The following ORC4 variants were observed in gnomAD, a reference collection of about 807,000 sequenced individuals.
The protein encoded by ORC4 is origin recognition complex, subunit 4 homolog.
A neutral mutation model predicts 63.9 loss-of-function variants in ORC4; 55 were observed. The ratio of observed to expected loss-of-function variants is 0.86; its 90% CI spans 0.69 to 1.08. The LOEUF (loss-of-function observed/expected upper bound fraction) is 1.08. ORC4 is among the 50% of genes least tolerant of loss of function. ORC4 has a pLI of 0.00. For synonymous variants in ORC4, 150 were observed against 168.5 expected, an observed-to-expected ratio of 0.89 and a Z score of 0.85; for missense variants, 511 against 504.4, an observed-to-expected ratio of 1.01 and a Z score of -0.13.
intron 4 of ORC4, among the ~76,000 whole-genome samples, chr2:147,966,182 C>G (rs763488962): frequency 3.7e-4 from 56 of 151,940 alleles, no homozygotes; most frequent in Admixed American, 6.6e-4. Flanking sequence ...AATAGAAACA[C>G]AACTTACTAA....
chr2:147,975,886 G>T lies in ORC4; in HGVS notation c.57+16C>A, dbSNP rs1322517519. On this transcript the variant is annotated intron_variant, in intron 2 of 13. Transcript: ENST00000392857. The stretch of plus-strand genomic sequence containing the variant: ...CAGGGTAAAATATCTTGAGATTAAT[G>T]AAAATACATACTAACCTGTGAAAGG... 2 of 1,438,666 alleles carry T rather than the reference G, an allele frequency of 1.4e-6. No individual in the cohort carries two copies. The highest frequency in any genetic ancestry group is 2.0e-6 in the Non-Finnish European group (2 of 1,020,080). 89.1% of individuals were successfully genotyped at this position (1,438,666 alleles called of 1,614,324 possible). A position where few individuals can be genotyped will look rare whatever the true frequency, so the allele number is the denominator to read the frequency against.
At chr2:147,989,174 T>G (rs1691414467) in intron 1 of ORC4, among the ~76,000 whole-genome samples, 1 of 152,122 alleles carries the variant, frequency 6.6e-6, no homozygotes, top group Non-Finnish European at 1.5e-5. Context: ...AAGTAGATTT[T>G]TAAAGAGAAA....
At chr2:147,936,881 T>C (rs1281108447) in intron 13 of ORC4, 1 of 151,732 alleles carries the variant, frequency 6.6e-6, no homozygotes, top group Non-Finnish European at 1.5e-5. Context: ...TAGATGGGCA[T>C]AGTGGTGCAC....
rs1186684042 is a variant in ORC4, at chr2:148,003,541, C to G, written c.-18+17092G>C. 1.3e-5 allele frequency among the ~76,000 whole-genome samples: 2 copies of G among 152,236 alleles called. 1 individual carries two copies. The highest frequency in any genetic ancestry group is 1.3e-4 in the Admixed American group (2 of 15,290). ...ATTATCTCAATAGATGTAGAAAACG[C>G]CTTCGACAAAATTCAACACCCCTTC... On this transcript the variant is annotated intron_variant, in intron 1 of 13. Coordinates refer to ENST00000392857, the MANE Select transcript of ORC4 (RefSeq NM_181741.4).
Position 147,939,145 on chromosome 2 carries a change from A to G in ORC4, c.953T>C (p.Val318Ala). 9 of 1,588,468 alleles carry G rather than the reference A, an allele frequency of 5.7e-6. No individual in the cohort carries two copies. Among genetic ancestry groups the G allele is most frequent in the Non-Finnish European group, 7.8e-6 (9 of 1,156,706 alleles). The stretch of plus-strand genomic sequence containing the variant: ...AAATAAGGCTGGGTTCTCACCATGT[A>G]CAATATTTGCTTTCGAGTCCATGCT... ...LCSMDSKANI[V>A]HGLSVLEICL... The change falls in exon 11 of 14, where the codon GTA (valine) becomes GCA (alanine). Residue 318 changes from valine to alanine, a missense_variant. Physicochemically the swap from Val to Ala is moderately conservative, Grantham distance 64 (BLOSUM62 0). Transcript: ENST00000392857.
intron 10 of ORC4, among the ~76,000 whole-genome samples, chr2:147,941,070 A>G (rs1192295830): frequency 6.6e-6 from 1 of 152,138 alleles, no homozygotes; most frequent in African/African-American, 2.4e-5. Context: ...CTACATATAC[A>G]TGTATTATAC....
At position 147,952,414 on chromosome 2, in the gene ORC4, C is replaced by G; in HGVS notation, c.547G>C (p.Ala183Pro). Residue 183 changes from alanine to proline, a missense_variant, in exon 8 of 14, where the codon GCA (alanine) becomes CCA (proline). By Grantham distance (27) the Ala-to-Pro change is conservative. Coordinates refer to ENST00000392857, the MANE Select transcript of ORC4 (RefSeq NM_181741.4). ...LYNLFDISQS[A>P]QTPIAVIGLT... ...CCAATAACTGCTATTGGGGTCTGTG[C>G]AGACTGAGAAATGTCAAAAAGATTA... The G allele has an allele frequency of 6.2e-7, 1 of 1,610,170 alleles. No individual in the cohort carries two copies. The highest frequency in any genetic ancestry group is 8.5e-7 in the Non-Finnish European group (1 of 1,176,614).
chr2:147,995,417 G>A (rs116030267), intron 1 of ORC4, among the ~76,000 whole-genome samples: 5,008 of 152,194 alleles, frequency 0.033, 212 homozygotes, highest in African/African-American at 0.097. Context: ...CAGGATGTGC[G>A]TGGGGCCAAA....
rs148890925 is a variant in ORC4 at position 148,015,087 on chromosome 2, AC to A, written c.-18+5545del. 5.9e-3 allele frequency among the ~76,000 whole-genome samples: 878 copies of A among 149,528 alleles called. 8 individuals carry two copies. The highest frequency in any genetic ancestry group is 0.021 in the African/African-American group (845 of 40,550). On this transcript the variant is annotated intron_variant, in intron 1 of 13. Transcript: ENST00000392857. ...CACACGATGATTGAACATTTCCTCT[AC>A]CCCCACAACCACACTTGACTAGGAG...
At chr2:147,962,796 C>T (rs1032227668) in intron 4 of ORC4, among the ~76,000 whole-genome samples, 1 of 152,036 alleles carries the variant, frequency 6.6e-6, no homozygotes, top group African/African-American at 2.4e-5. Flanking sequence ...CAATACCGTG[C>T]ACCCCTCCCT....
At chr2:147,945,422 AT>A (rs2105278257) in intron 9 of ORC4, among the ~76,000 whole-genome samples, 1 of 152,224 alleles carries the variant, frequency 6.6e-6, no homozygotes, top group African/African-American at 2.4e-5. Flanking sequence ...AACAAAAAAA[AT>A]TGTCTAACCT....
chr2:147,950,713 C>T (rs1573769851), intron 8 of ORC4, among the ~76,000 whole-genome samples: 2 of 145,054 alleles, frequency 1.4e-5, no homozygotes, highest in East Asian at 2.0e-4. Context: ...TGCAGTGAGC[C>T]GAGATTATGC....
chr2:147,991,822 TCC>T (rs1691630404), intron 1 of ORC4, among the ~76,000 whole-genome samples: 1 of 152,124 alleles, frequency 6.6e-6, no homozygotes, highest in Non-Finnish European at 1.5e-5. Context: ...AGAGCAAGAC[TCC>T]GTCTCACAAA....
intron 1 of ORC4, among the ~76,000 whole-genome samples, chr2:148,017,016 G>A (rs962886968): frequency 2.0e-5 from 3 of 152,130 alleles, no homozygotes; most frequent in Admixed American, 2.0e-4. Flanking sequence ...CTGACCATCA[G>A]AATGTCTGCA....
rs1573819972 is a variant in ORC4, at chr2:147,973,314, C to T, written c.134+134G>A. 3 of 684,810 alleles carry T rather than the reference C, an allele frequency of 4.4e-6. No homozygotes were observed. The South Asian group carries it at 5.0e-5, about 11-fold the overall frequency. The allele number at this position is 684,810 out of a possible 1,614,324, so 42.4% of individuals were successfully genotyped here. A position where few individuals can be genotyped will look rare whatever the true frequency, so the allele number is the denominator to read the frequency against. ...TCATGCTATGTGGTGTTTCTATTCA[C>T]AAAGCAAAATTTTTTATTTCTATAA... is the stretch of plus-strand genomic sequence containing the variant. On this transcript the variant is annotated intron_variant, in intron 3 of 13. Coordinates refer to ENST00000392857, the MANE Select transcript of ORC4 (RefSeq NM_181741.4).
intron 10 of ORC4, among the ~76,000 whole-genome samples, chr2:147,942,989 G>A (rs1688451701): frequency 6.6e-6 from 1 of 151,806 alleles, no homozygotes; most frequent in Non-Finnish European, 1.5e-5. Flanking sequence ...TGAATATGTG[G>A]GAAACCAAAA....
chr2:147,944,688 G>T, intron 9 of ORC4, among the ~76,000 whole-genome samples: 1 of 104,134 alleles, frequency 9.6e-6, no homozygotes, highest in Non-Finnish European at 2.0e-5. Flanking sequence ...CATGGAATAA[G>T]GATTCTTTTA....
intron 7 of ORC4, among the ~76,000 whole-genome samples, chr2:147,953,548 T>C (rs1472734712): frequency 6.6e-6 from 1 of 152,202 alleles, no homozygotes; most frequent in Non-Finnish European, 1.5e-5. Context: ...AGAGAGTTGT[T>C]TATTTAGTAG....
chr2:148,002,982 C>T (rs998086975), intron 1 of ORC4, among the ~76,000 whole-genome samples: 3 of 152,194 alleles, frequency 2.0e-5, no homozygotes, highest in African/African-American at 7.2e-5. Context: ...ACTATAAACA[C>T]TTCTACACAA....
Sources: gnomAD v4.1 joint callset for allele counts (sites outside exome capture counted in the v4.1 genomes callset) on GRCh38, gnomAD v4.1.1 for gene constraint, MANE v1.5 for transcripts, NCBI Gene and HGNC (gene_info 2026-07-23, HGNC 2026-07-21) for gene names.